Variants in RNF170 observed in about 807,000 individuals in gnomAD.
The protein encoded by RNF170 is ring finger protein 170.
In RNF170, 12 loss-of-function variants were observed where a neutral mutation model predicts 32.7. The observed-to-expected ratio is 0.37, with a 90% CI of 0.24 to 0.60. The LOEUF (loss-of-function observed/expected upper bound fraction) is 0.60. Ranked by LOEUF, RNF170 falls within the 20% of genes least tolerant of loss-of-function variation. The pLI, the probability that RNF170 is intolerant of heterozygous loss-of-function variation, is 0.72. For missense variants in RNF170, 212 were observed against 311.2 expected (o/e 0.68, Z 2.40); for synonymous variants, 91 against 103.6 (o/e 0.88, Z 0.74).
Position 42,896,503 on chromosome 8 carries a change from T to G in RNF170, c.-27A>C. 2.2e-6 allele frequency: 1 copy of G among 453,902 alleles called. No homozygotes were observed. Among genetic ancestry groups the G allele is most frequent in the Non-Finnish European group, 4.4e-6 (1 of 226,704 alleles). 28.1% of individuals were successfully genotyped at this position (453,902 alleles called of 1,614,324 possible). A position where few individuals can be genotyped will look rare whatever the true frequency, so the allele number is the denominator to read the frequency against. On this transcript the variant is annotated 5_prime_UTR_variant, in exon 1 of 7. Transcript: ENST00000527424. ...ACGTACCTCTCCACCGCGAAGGAAC[T>G]ACCTCGCCAGTTCCCGGCGACAGAG...
chr8:42,872,254 T>C (rs1804576658), intron 3 of RNF170, among the ~76,000 whole-genome samples: 1 of 152,200 alleles, frequency 6.6e-6, no homozygotes. Context: ...GTCATGAAAT[T>C]GCTAGTGTGA....
intron 5 of RNF170, among the ~76,000 whole-genome samples, chr8:42,862,856 G>A (rs1803762566): frequency 6.6e-6 from 1 of 152,230 alleles, no homozygotes; most frequent in South Asian, 2.1e-4. Context: ...TCAAAAGCCT[G>A]CTCCAGGGTG....
intron 1 of RNF170, chr8:42,889,321 G>A (rs1353694983): frequency 6.6e-6 from 1 of 152,158 alleles, no homozygotes; most frequent in Non-Finnish European, 1.5e-5. Flanking sequence ...ATAGGTATGA[G>A]GGGAGATAGC....
Position 42,853,778 on chromosome 8 carries a change from T to G in RNF170, c.*2381A>C. On this transcript the variant is annotated 3_prime_UTR_variant, in exon 7 of 7. Coordinates refer to ENST00000527424, the MANE Select transcript of RNF170 (RefSeq NM_030954.4). ...CGGTAAAGATGACAACAAGCAGGTC[T>G]AAAGTTCTGAGATGTTAGCACATAC... 7.8e-7 allele frequency: 1 copy of G among 1,287,236 alleles called. No individual in the cohort carries two copies. The highest frequency in any genetic ancestry group is 1.0e-6 in the Non-Finnish European group (1 of 988,686). 79.7% of individuals were successfully genotyped at this position (1,287,236 alleles called of 1,614,324 possible).
Position 42,855,050 on chromosome 8 carries a change from C to CCTTCCTCA in RNF170, c.*1108_*1109insTGAGGAAG, listed in dbSNP as rs1803142675. ...CCTATTGGCTTGATGCTCAAAGACACGAAGATTCACCTTCCTCAGAAATGC... is the reference window on the plus strand; with the variant it reads ...CCTATTGGCTTGATGCTCAAAGACACCTTCCTCAGAAGATTCACCTTCCTCAGAAATGC... On this transcript the variant is annotated 3_prime_UTR_variant, in exon 7 of 7. Coordinates refer to ENST00000527424, the MANE Select transcript of RNF170 (RefSeq NM_030954.4). 7.8e-7 allele frequency: 1 copy of CCTTCCTCA among 1,287,068 alleles called. No individual in the cohort carries two copies. The highest frequency in any genetic ancestry group is 1.0e-6 in the Non-Finnish European group (1 of 988,698). The allele number at this position is 1,287,068 out of a possible 1,614,324, so 79.7% of individuals were successfully genotyped here.
Position 42,896,474 on chromosome 8 carries a change from C to A in RNF170, c.-8+10G>T, listed in dbSNP as rs765260722. 2.2e-6 allele frequency: 1 copy of A among 453,732 alleles called. No homozygotes were observed. 28.1% of individuals were successfully genotyped at this position (453,732 alleles called of 1,614,324 possible). Reference sequence around the variant, plus strand: ...ATAGGGTGGGCGTGGCCGCCGCGCGCCGGACGTACCTCTCCACCGCGAAGG... The same window carrying A: ...ATAGGGTGGGCGTGGCCGCCGCGCGACGGACGTACCTCTCCACCGCGAAGG... On this transcript the variant is annotated intron_variant, in intron 1 of 6. Transcript: ENST00000527424.
chr8:42,895,996 T>C (rs932425810), intron 1 of RNF170, among the ~76,000 whole-genome samples: 1 of 152,130 alleles, frequency 6.6e-6, no homozygotes, highest in Non-Finnish European at 1.5e-5. Flanking sequence ...TTTCTGCGTA[T>C]GCTATATCTG....
At chr8:42,868,171 T>A (rs538731332) in intron 4 of RNF170, among the ~76,000 whole-genome samples, 1 of 152,330 alleles carries the variant, frequency 6.6e-6, no homozygotes, top group South Asian at 2.1e-4. Context: ...AATGAGTAGA[T>A]GAAGCAATGA....
chr8:42,897,214 G>A, upstream of RNF170: 2 of 1,232,774 alleles, frequency 1.6e-6, no homozygotes, highest in Non-Finnish European at 2.0e-6. Flanking sequence ...GGGCCGGCGG[G>A]AAGACCCCCT....
chr8:42,872,828 C>T (rs1804626030), intron 3 of RNF170, among the ~76,000 whole-genome samples: 1 of 152,012 alleles, frequency 6.6e-6, no homozygotes, highest in Non-Finnish European at 1.5e-5. Context: ...ATTCCCAATG[C>T]CTAGAAAATG....
intron 5 of RNF170, among the ~76,000 whole-genome samples, chr8:42,864,218 C>G (rs928123414): frequency 1.3e-5 from 2 of 151,842 alleles, no homozygotes; most frequent in Admixed American, 6.6e-5. Context: ...CTCAGCCTCC[C>G]AAGTAGCTGG....
chr8:42,880,837 T>C (rs1291138472), intron 2 of RNF170, among the ~76,000 whole-genome samples: 1 of 152,150 alleles, frequency 6.6e-6, no homozygotes, highest in Non-Finnish European at 1.5e-5. Context: ...TCAGCAGCTG[T>C]TAACATGGAG....
Position 42,854,327 on chromosome 8 carries a change from C to T in RNF170, c.*1832G>A, listed in dbSNP as rs1281022382. ...CTAAACATTCTATGCAGGAGTCCTA[C>T]TAAGAAATTTTGGTGTAATGCCACT... is the stretch of plus-strand genomic sequence containing the variant. On this transcript the variant is annotated 3_prime_UTR_variant, in exon 7 of 7. Coordinates refer to ENST00000527424, the MANE Select transcript of RNF170 (RefSeq NM_030954.4). 4 of 1,287,098 alleles carry T rather than the reference C, an allele frequency of 3.1e-6. No individual in the cohort carries two copies. In the African/African-American group the frequency reaches 6.1e-5, roughly 20 times the overall value. The allele number at this position is 1,287,098 out of a possible 1,614,324, so 79.7% of individuals were successfully genotyped here.
chr8:42,863,774 T>A (rs1198127647), intron 5 of RNF170, among the ~76,000 whole-genome samples: 4 of 152,128 alleles, frequency 2.6e-5, no homozygotes, highest in African/African-American at 2.4e-5. Context: ...GTGTCACGCA[T>A]CAAATCAGCC....
chr8:42,883,311 A>C lies in RNF170; in HGVS notation c.137+4417T>G, dbSNP rs1035398987. Among the ~76,000 whole-genome samples, 7 of 152,280 alleles carry C rather than the reference A, an allele frequency of 4.6e-5. No individual in the cohort carries two copies. In the South Asian group the frequency reaches 1.5e-3, roughly 32 times the overall value. On this transcript the variant is annotated intron_variant, in intron 2 of 6. Coordinates refer to ENST00000527424, the MANE Select transcript of RNF170 (RefSeq NM_030954.4). ...AAATCTAAAATTTAAAAATAAAAAA[A>C]TAAAGTTTGGGATGATGAGGAAGTT...
At position 42,861,826 on chromosome 8, in the gene RNF170, T is replaced by G. The variant is rs1269141273; in HGVS notation, c.426A>C (p.Glu142Asp). The change falls in exon 6 of 7, where the codon GAA (glutamate) becomes GAC (aspartate). Residue 142 changes from glutamate (E) to aspartate (D), a missense_variant. Physicochemically the swap from Glu to Asp is conservative, Grantham distance 45 (BLOSUM62 2). This residue lies in a region of RNF170 where 97 missense variants were observed against 178.9 expected (regional missense o/e 0.54). Transcript: ENST00000527424. ...TCAGAACATCCTGAGACTGATCATC[T>G]TCACCAAATACTGTTAGGAGTAAGG... is the stretch of plus-strand genomic sequence containing the variant. ...TVTLLLTVFGEDDQSQDVLRL... is the reference protein window; with the variant it reads ...TVTLLLTVFGDDDQSQDVLRL... 1 of 1,613,770 alleles carries G rather than the reference T, an allele frequency of 6.2e-7. No individual in the cohort carries two copies. The highest frequency in any genetic ancestry group is 8.5e-7 in the Non-Finnish European group (1 of 1,179,934).
intron 5 of RNF170, among the ~76,000 whole-genome samples, chr8:42,864,369 G>C (rs1043712157): frequency 6.6e-6 from 1 of 151,912 alleles, no homozygotes; most frequent in African/African-American, 2.4e-5. Flanking sequence ...CCAAAGTGCT[G>C]GGATTACAGG....
At chr8:42,893,406 G>T (rs1267665411) in intron 1 of RNF170, among the ~76,000 whole-genome samples, 1 of 152,188 alleles carries the variant, frequency 6.6e-6, no homozygotes, top group Non-Finnish European at 1.5e-5. Flanking sequence ...TGCTCAGCTG[G>T]CTACATCTTA....
chr8:42,886,257 C>T (rs971614789), intron 2 of RNF170, among the ~76,000 whole-genome samples: 9 of 151,852 alleles, frequency 5.9e-5, no homozygotes, highest in African/African-American at 1.9e-4. Flanking sequence ...TAGAAAAGGC[C>T]CAAGGACAGA....
Sources: gnomAD v4.1 joint callset for allele counts (sites outside exome capture counted in the v4.1 genomes callset) on GRCh38, gnomAD v4.1.1 for gene constraint, gnomAD v4.1.1 regional missense constraint, MANE v1.5 for transcripts, NCBI Gene and HGNC (gene_info 2026-07-23, HGNC 2026-07-21) for gene names.